ADGB: variants seen among roughly 807,000 people sequenced by gnomAD.
ADGB encodes the protein androglobin, also known as calpain-7-like protein.
In ADGB, 172 loss-of-function variants were observed where a neutral mutation model predicts 210.5. The ratio of observed to expected loss-of-function variants is 0.82; its 90% CI spans 0.72 to 0.93. The LOEUF is 0.93. Among genes scored for constraint, ADGB ranks in the 40% least tolerant of loss-of-function variants. The probability of loss-of-function intolerance (pLI) is 0.00; values close to 1 mark genes in which losing one functional copy is unlikely to be tolerated. For synonymous variants in ADGB, 658 were observed against 662.7 expected (o/e 0.99, Z 0.11); for missense variants, 2,025 against 1,964.8 (o/e 1.03, Z -0.58).
chr6:146,695,144 A>T (rs1776386009), intron 12 of ADGB, among the ~76,000 whole-genome samples: 1 of 152,184 alleles, frequency 6.6e-6, no homozygotes, highest in Non-Finnish European at 1.5e-5. Flanking sequence ...CTAACATTCA[A>T]TGACCTGAGA....
chr6:146,684,706 A>C (rs983037983), intron 9 of ADGB, among the ~76,000 whole-genome samples: 1 of 152,104 alleles, frequency 6.6e-6, no homozygotes. Flanking sequence ...ATTATTAACC[A>C]AGCCTCTGCA....
At chr6:146,808,865 G>C (rs1436416294) in intron 35 of ADGB, among the ~76,000 whole-genome samples, 1 of 76,406 alleles carries the variant, frequency 1.3e-5, no homozygotes, top group Non-Finnish European at 2.3e-5. Context: ...ACACCAGGTC[G>C]TGGGGGTGAC....
At chr6:146,786,464 T>C (rs1777875964) in intron 32 of ADGB, among the ~76,000 whole-genome samples, 1 of 152,162 alleles carries the variant, frequency 6.6e-6, no homozygotes. Flanking sequence ...ATAATTGTTA[T>C]AAAAATAATA....
In ADGB at chr6:146,785,679, A is replaced by C; in HGVS notation, c.4282A>C (p.Ile1428Leu). The C allele has an allele frequency of 6.4e-7, 1 of 1,551,072 alleles. No homozygotes were observed. Among genetic ancestry groups the C allele is most frequent in the Non-Finnish European group, 8.7e-7 (1 of 1,146,550 alleles). ...KKTSDAESPP[I>L]SESQTKPKEE... ...AACATCTGATGCTGAGAGTCCGCCT[A>C]TATCTGAAAGCCAAACTAAACCAAA... Residue 1428 changes from isoleucine (I) to leucine (L), a missense_variant, in exon 32 of 36, where the codon ATA (isoleucine) becomes CTA (leucine). By Grantham distance (5) the Ile-to-Leu change is conservative (BLOSUM62 2). Transcript: ENST00000397944.
At chr6:146,622,869 G>A (rs1391297367) in intron 1 of ADGB, among the ~76,000 whole-genome samples, 1 of 151,924 alleles carries the variant, frequency 6.6e-6, no homozygotes. Context: ...CAGTATATTT[G>A]AATTTATCTT....
At chr6:146,808,398 C>G (rs1323833574) in intron 35 of ADGB, among the ~76,000 whole-genome samples, 1 of 152,190 alleles carries the variant, frequency 6.6e-6, no homozygotes. Context: ...ACTCTAGATC[C>G]TAGCAACCCA....
intron 4 of ADGB, among the ~76,000 whole-genome samples, chr6:146,655,467 G>T (rs1435119870): frequency 6.6e-6 from 1 of 152,104 alleles, no homozygotes. Context: ...TCCATCACAA[G>T]CAGGCCTGTT....
Position 146,715,401 on chromosome 6 carries a change from T to G in ADGB, c.1727T>G (p.Val576Gly), listed in dbSNP as rs1776717756. 2 of 1,499,208 alleles carry G rather than the reference T, an allele frequency of 1.3e-6. No homozygotes were observed. The highest frequency in any genetic ancestry group is 1.8e-6 in the Non-Finnish European group (2 of 1,125,076). The allele number at this position is 1,499,208 out of a possible 1,614,324, so 92.9% of individuals were successfully genotyped here. Residue 576 changes from valine (V) to glycine (G), a missense_variant, in exon 14 of 36, where the codon GTT becomes GGT. Physicochemically the swap from Val to Gly is moderately radical, Grantham distance 109 (BLOSUM62 -3). Transcript: ENST00000397944. ...ATSQGNTASQ[V>G]ILGKGTDEQT... is the part of the protein sequence containing the mutation. ...TCATAGGGAAATACTGCTTCACAAG[T>G]TATACTTGGAAAAGGTAAATTAATA...
At chr6:146,691,422 A>ATATATATTTATATATATATT (rs1562275459) in intron 11 of ADGB, 132 bp downstream of exon 11, 7 of 56,326 alleles carry the variant, frequency 1.2e-4, no homozygotes, top group African/African-American at 9.8e-4. Context: ...ATATATATAT[A>ATATATATTTATATATATATT]TATATATATA....
chr6:146,784,479 C>T (rs553789659), intron 30 of ADGB, 139 bp from the exon 31 acceptor site: 17 of 701,216 alleles, frequency 2.4e-5, no homozygotes, highest in Admixed American at 1.2e-4. Flanking sequence ...TGAACATTTT[C>T]GTACAAGTCT....
At chr6:146,789,426 G>T (rs1373373586) in intron 33 of ADGB, among the ~76,000 whole-genome samples, 1 of 152,114 alleles carries the variant, frequency 6.6e-6, no homozygotes, top group Non-Finnish European at 1.5e-5. Context: ...AGCAAAGAAA[G>T]AAATCTTAGA....
intron 3 of ADGB, among the ~76,000 whole-genome samples, chr6:146,647,115 A>AAAAAAAAAAC (rs1562263814): frequency 1.7e-4 from 25 of 148,010 alleles, no homozygotes; most frequent in African/African-American, 6.2e-4. Flanking sequence ...CAAAAAACAA[A>AAAAAAAAAAC]AAACAAACAA....
At chr6:146,789,012 TA>T in intron 33 of ADGB, among the ~76,000 whole-genome samples, 1 of 152,340 alleles carries the variant, frequency 6.6e-6, no homozygotes. Context: ...TGTCATTTTT[TA>T]AATGTTGAAA....
intron 1 of ADGB, among the ~76,000 whole-genome samples, chr6:146,610,980 T>A (rs1038548205): frequency 2.6e-5 from 4 of 151,808 alleles, no homozygotes; most frequent in African/African-American, 4.8e-5. Context: ...GGCAGTAGGG[T>A]GGCAGTGTGG....
Position 146,781,442 on chromosome 6 carries a change from A to G in ADGB, c.3863-578A>G, listed in dbSNP as rs536295442. Among the ~76,000 whole-genome samples, 254 of 151,802 alleles carry G rather than the reference A, an allele frequency of 1.7e-3. 1 individual carries two copies. The highest frequency in any genetic ancestry group is 2.8e-3 in the Non-Finnish European group (192 of 67,914). ...CCAATGGAACAGAGAAGAAATCACA[A>G]GAGAAATTAAGAAATTCTTAGAAAT... On this transcript the variant is annotated intron_variant, in intron 29 of 35. Transcript: ENST00000397944.
intron 27 of ADGB, among the ~76,000 whole-genome samples, chr6:146,762,702 T>A (rs1460349283): frequency 6.6e-6 from 1 of 152,130 alleles, no homozygotes; most frequent in Non-Finnish European, 1.5e-5. Context: ...GGTCCTGAGC[T>A]TAGTAAGTCA....
chr6:146,814,919 G>C lies in ADGB; in HGVS notation c.4819-113G>C, dbSNP rs149988654. 4,815 of 952,440 alleles carry C rather than the reference G, an allele frequency of 5.1e-3. 116 individuals carry two copies. The highest frequency in any genetic ancestry group is 0.05 in the African/African-American group (2,860 of 56,962). The allele number at this position is 952,440 out of a possible 1,614,324, so 59.0% of individuals were successfully genotyped here. ...ACTAATTTTCATCTTCAATCATTTTGCCTATGAATGTGTGGGCGTAAGGAC... is the reference window on the plus strand; with the variant it reads ...ACTAATTTTCATCTTCAATCATTTTCCCTATGAATGTGTGGGCGTAAGGAC... On this transcript the variant is annotated intron_variant, in intron 35 of 35. Transcript: ENST00000397944.
Position 146,801,907 on chromosome 6 carries a change from C to T in ADGB, c.4714C>T (p.Gln1572Ter). Residue 1572 changes from glutamine to a stop codon, truncating the protein, a stop_gained, in exon 35 of 36, where the codon CAG becomes TAG. Coordinates refer to ENST00000397944, the MANE Select transcript of ADGB (RefSeq NM_024694.4). LOFTEE classifies it high-confidence loss of function. ...QAMQKAEEIH[Q>*]FRQHRTRVLS... Reference sequence around the variant, plus strand: ...AATGCAAAAGGCGGAAGAAATTCATCAGTTTCGACAGCATAGGACCAGAGT... The same window carrying T: ...AATGCAAAAGGCGGAAGAAATTCATTAGTTTCGACAGCATAGGACCAGAGT... 6.4e-7 allele frequency: 1 copy of T among 1,551,304 alleles called. No homozygotes were observed. The highest frequency in any genetic ancestry group is 1.7e-4 in the Middle Eastern group (1 of 5,992).
At chr6:146,805,885 T>A (rs1175843356) in intron 35 of ADGB, among the ~76,000 whole-genome samples, 1 of 152,256 alleles carries the variant, frequency 6.6e-6, no homozygotes, top group African/African-American at 2.4e-5. Context: ...TATGAAAATG[T>A]AGATATATTA....
Sources: gnomAD v4.1 joint callset for allele counts (sites outside exome capture counted in the v4.1 genomes callset) on GRCh38, gnomAD v4.1.1 for gene constraint, MANE v1.5 for transcripts, NCBI Gene and HGNC (gene_info 2026-07-23, HGNC 2026-07-21) for gene names.